The following COG5 variants were observed in gnomAD, a reference collection of about 807,000 sequenced individuals.
COG5 encodes conserved oligomeric Golgi complex subunit 5.
In COG5, 86 loss-of-function variants were observed where a neutral mutation model predicts 110.4. The ratio of observed to expected loss-of-function variants is 0.78; its 90% CI spans 0.65 to 0.93. The LOEUF (loss-of-function observed/expected upper bound fraction) is 0.93. Ranked by LOEUF, COG5 falls within the 40% of genes least tolerant of loss-of-function variation. The pLI is 0.00. For missense variants in COG5, 1,077 were observed against 987.0 expected, an observed-to-expected ratio of 1.09 and a Z score of -1.22; for synonymous variants, 360 against 334.6, an observed-to-expected ratio of 1.08 and a Z score of -0.83.
chr7:107,359,006 C>G (rs994976341), intron 10 of COG5, among the ~76,000 whole-genome samples: 3 of 152,190 alleles, frequency 2.0e-5, no homozygotes, highest in African/African-American at 7.2e-5. Flanking sequence ...CAGGGGCGAC[C>G]TCTCTGGAGC....
chr7:107,533,013 C>T (rs1405171698), intron 5 of COG5, among the ~76,000 whole-genome samples: 1 of 151,836 alleles, frequency 6.6e-6, no homozygotes, highest in Non-Finnish European at 1.5e-5. Flanking sequence ...GCAGCCTCCA[C>T]TGGTGATACT....
chr7:107,249,131 A>T (rs541702975), intron 16 of COG5, among the ~76,000 whole-genome samples: 128 of 152,276 alleles, frequency 8.4e-4, no homozygotes, highest in African/African-American at 3.0e-3. Flanking sequence ...AATGTTTCTA[A>T]TAGGGCACAA....
chr7:107,485,704 A>G (rs1388334494), intron 6 of COG5, among the ~76,000 whole-genome samples: 1 of 152,200 alleles, frequency 6.6e-6, no homozygotes, highest in Non-Finnish European at 1.5e-5. Context: ...GTCCATTATG[A>G]TAGCACTTAG....
At chr7:107,384,516 C>G (rs1012226509) in intron 7 of COG5, among the ~76,000 whole-genome samples, 16 of 152,142 alleles carry the variant, frequency 1.1e-4, no homozygotes, top group Non-Finnish European at 1.9e-4. Flanking sequence ...GCCCTGTTTT[C>G]CCCCTTTTCC....
chr7:107,389,859 G>A lies in COG5; in HGVS notation c.670-17099C>T, dbSNP rs574658463. 6.8e-4 allele frequency among the ~76,000 whole-genome samples: 104 copies of A among 152,034 alleles called. 1 individual carries two copies. The South Asian group carries it at 7.9e-3, about 12-fold the overall frequency. ...GCACCTCCCTTAACACCTGGCATGCGACATATCATAATTCCAGTAATGACT... is the reference window on the plus strand; with the variant it reads ...GCACCTCCCTTAACACCTGGCATGCAACATATCATAATTCCAGTAATGACT... On this transcript the variant is annotated intron_variant, in intron 7 of 21. Transcript: ENST00000297135.
chr7:107,248,086 T>C (rs1356775620), intron 17 of COG5, among the ~76,000 whole-genome samples: 1 of 152,088 alleles, frequency 6.6e-6, no homozygotes, highest in East Asian at 1.9e-4. Flanking sequence ...CTACCAAAAG[T>C]CCTGAAGTAC....
At chr7:107,529,332 G>A (rs1393934540) in intron 5 of COG5, among the ~76,000 whole-genome samples, 1 of 152,142 alleles carries the variant, frequency 6.6e-6, no homozygotes, top group East Asian at 1.9e-4. Context: ...TTATCACATT[G>A]CCTCTCTAAA....
At position 107,211,232 on chromosome 7, in the gene COG5, G is replaced by T; in HGVS notation, c.2169-7C>A. On this transcript the variant is annotated splice_polypyrimidine_tract_variant and splice_region_variant and intron_variant, in intron 19 of 21. Transcript: ENST00000297135. ...TGCCTGGAAGAGCAGAGGTCTAGAC[G>T]GGAAAAACAGAAGTTATTTCACACT... 6.2e-7 allele frequency: 1 copy of T among 1,613,532 alleles called. No individual in the cohort carries two copies. Among genetic ancestry groups the T allele is most frequent in the Non-Finnish European group, 8.5e-7 (1 of 1,179,600 alleles).
intron 14 of COG5, among the ~76,000 whole-genome samples, chr7:107,281,011 A>C (rs1011505608): frequency 3.3e-5 from 5 of 151,704 alleles, no homozygotes. Context: ...AAAATATTTA[A>C]ATATTTAAAA....
intron 6 of COG5, among the ~76,000 whole-genome samples, chr7:107,483,052 T>C (rs185044391): frequency 1.4e-4 from 21 of 152,326 alleles, no homozygotes; most frequent in African/African-American, 5.0e-4. Flanking sequence ...GGTAGAGGTT[T>C]GAATCAAACA....
intron 7 of COG5, among the ~76,000 whole-genome samples, chr7:107,384,074 T>A (rs1474032221): frequency 6.6e-6 from 1 of 152,214 alleles, no homozygotes. Context: ...TTCATTTTGA[T>A]ACATGTCTTC....
intron 14 of COG5, among the ~76,000 whole-genome samples, chr7:107,266,038 C>T (rs1803770653): frequency 6.6e-6 from 1 of 151,844 alleles, no homozygotes; most frequent in African/African-American, 2.4e-5. Flanking sequence ...GGTGACAGAC[C>T]CTGTCTCCAA....
chr7:107,210,646 T>C, intron 20 of COG5, 41 bp from the exon 21 acceptor site: 2 of 1,560,174 alleles, frequency 1.3e-6, no homozygotes, highest in Non-Finnish European at 1.7e-6. Context: ...GCATACGCAT[T>C]CTTTAGTAAA....
rs868528623 is a variant in COG5 at position 107,435,237 on chromosome 7, T to C, written c.539-22605A>G. ...ATTCTGGGAATCTGTTCTACAACAA[T>C]ATAAACATAGTACTAAACTGTGCAG... is the stretch of plus-strand genomic sequence containing the variant. On this transcript the variant is annotated intron_variant, in intron 6 of 21. Coordinates refer to ENST00000297135, the MANE Select transcript of COG5 (RefSeq NM_006348.5). Among the ~76,000 whole-genome samples, 55 of 152,280 alleles carry C rather than the reference T, an allele frequency of 3.6e-4. No individual in the cohort carries two copies. In the Middle Eastern group the frequency reaches 0.017, roughly 47 times the overall value.
chr7:107,550,782 C>A (rs533820799), intron 3 of COG5, among the ~76,000 whole-genome samples: 2 of 149,802 alleles, frequency 1.3e-5, no homozygotes, highest in East Asian at 4.0e-4. Context: ...CTCGGCTCAC[C>A]GCAACCTCTG....
At chr7:107,531,043 TA>T (rs1354983532) in intron 5 of COG5, among the ~76,000 whole-genome samples, 2 of 139,426 alleles carry the variant, frequency 1.4e-5, no homozygotes, top group East Asian at 4.4e-4. Flanking sequence ...ATCACTTCCT[TA>T]CTTTTTTTTT....
At position 107,208,800 on chromosome 7, in the gene COG5, A is replaced by G. The variant is rs16872335; in HGVS notation, c.2375+1726T>C. 9,478 of 985,482 alleles carry G rather than the reference A, an allele frequency of 9.6e-3. 696 individuals carry two copies. In the African/African-American group the frequency reaches 0.15, roughly 16 times the overall value. 61.0% of individuals were successfully genotyped at this position (985,482 alleles called of 1,614,324 possible). On this transcript the variant is annotated intron_variant, in intron 21 of 21. Transcript: ENST00000297135. ...GTGGCTCATGTGGGATGTGGGTACC[A>G]AGCTTGAGGGCTCAGGGTCACTTCT...
intron 19 of COG5, among the ~76,000 whole-genome samples, chr7:107,223,262 G>A (rs552994649): frequency 1.2e-4 from 18 of 152,320 alleles, no homozygotes; most frequent in East Asian, 7.7e-4. Context: ...GACACAATGA[G>A]GGCCTCTGAG....
intron 6 of COG5, among the ~76,000 whole-genome samples, chr7:107,414,743 T>TTTTTTTC (rs1554434310): frequency 3.5e-5 from 4 of 115,808 alleles, no homozygotes; most frequent in Non-Finnish European, 5.2e-5. Context: ...TTTTTTTTTT[T>TTTTTTTC]CCGAGACTCA....
Sources: allele counts gnomAD v4.1 joint callset (sites outside exome capture counted in the v4.1 genomes callset), GRCh38; gene constraint gnomAD v4.1.1; transcripts MANE v1.5; gene names NCBI Gene and HGNC (gene_info 2026-07-23, HGNC 2026-07-21).